Variants in STXBP5L observed in about 807,000 individuals in gnomAD.
The protein encoded by STXBP5L is syntaxin-binding protein 5-like.
Under a neutral mutation model 144.5 loss-of-function variants are expected in STXBP5L, and 65 were observed. The observed-to-expected ratio is 0.45, with a 90% CI of 0.37 to 0.55. The LOEUF (loss-of-function observed/expected upper bound fraction) is 0.55, where lower values mean the gene tolerates loss of function less well. STXBP5L is among the 20% of genes least tolerant of loss of function. STXBP5L has a pLI of 0.00. For missense variants in STXBP5L, 1,298 were observed against 1,405.5 expected, an observed-to-expected ratio of 0.92 and a Z score of 1.22; for synonymous variants, 505 against 469.6, an observed-to-expected ratio of 1.08 and a Z score of -0.97.
At chr3:121,231,049 G>C (rs2049291600) in intron 11 of STXBP5L, among the ~76,000 whole-genome samples, 1 of 152,162 alleles carries the variant, frequency 6.6e-6, no homozygotes. Flanking sequence ...ACTGGTATCT[G>C]GTGGGCTGAT....
chr3:121,351,196 A>C (rs934758639), intron 20 of STXBP5L, among the ~76,000 whole-genome samples: 2 of 152,174 alleles, frequency 1.3e-5, no homozygotes, highest in East Asian at 3.8e-4. Context: ...CCTCAGCTGC[A>C]GGTCTGTTGG....
intron 5 of STXBP5L, among the ~76,000 whole-genome samples, chr3:121,069,318 A>G (rs2041698161): frequency 6.6e-6 from 1 of 152,236 alleles, no homozygotes; most frequent in African/African-American, 2.4e-5. Context: ...CAAGTTGTGT[A>G]CATCAAGAGC....
At chr3:120,932,427 G>T (rs185260719) in intron 2 of STXBP5L, among the ~76,000 whole-genome samples, 19 of 152,282 alleles carry the variant, frequency 1.2e-4, no homozygotes, top group South Asian at 4.1e-4. Context: ...ATAAATAGAA[G>T]ATTTGAAGTA....
intron 9 of STXBP5L, among the ~76,000 whole-genome samples, chr3:121,170,554 C>T (rs546960704): frequency 6.6e-6 from 1 of 152,264 alleles, no homozygotes; most frequent in African/African-American, 2.4e-5. Flanking sequence ...GCAGAGAATA[C>T]TATAAACACT....
chr3:120,956,380 A>G (rs1444767694), intron 3 of STXBP5L, among the ~76,000 whole-genome samples: 1 of 151,856 alleles, frequency 6.6e-6, no homozygotes, highest in Non-Finnish European at 1.5e-5. Flanking sequence ...TTCTGTTTCT[A>G]TAATTTTTAC....
chr3:121,028,581 A>G, intron 3 of STXBP5L, among the ~76,000 whole-genome samples: 1 of 152,136 alleles, frequency 6.6e-6, no homozygotes, highest in African/African-American at 2.4e-5. Flanking sequence ...GAGATCTTTT[A>G]GAAATATTGC....
chr3:121,085,191 C>A (rs1205339417), intron 5 of STXBP5L, among the ~76,000 whole-genome samples: 1 of 152,136 alleles, frequency 6.6e-6, no homozygotes, highest in Non-Finnish European at 1.5e-5. Context: ...ATGATAGTTT[C>A]TTTTGCTGTG....
intron 3 of STXBP5L, among the ~76,000 whole-genome samples, chr3:121,040,408 G>T (rs1054581052): frequency 1.3e-5 from 2 of 152,012 alleles, no homozygotes. Flanking sequence ...ACTTTTGTTG[G>T]TGGGAACATG....
intron 19 of STXBP5L, among the ~76,000 whole-genome samples, chr3:121,296,170 C>G (rs1188025517): frequency 1.3e-5 from 2 of 152,174 alleles, no homozygotes; most frequent in Non-Finnish European, 2.9e-5. Context: ...AGCCAATTTG[C>G]TTTACTCTAT....
At chr3:121,169,857 C>G (rs2046641592) in intron 9 of STXBP5L, among the ~76,000 whole-genome samples, 1 of 152,190 alleles carries the variant, frequency 6.6e-6, no homozygotes, top group African/African-American at 2.4e-5. Context: ...TAATAGACAT[C>G]TACAGAACTC....
chr3:120,913,334 C>CA (rs1303251575), intron 2 of STXBP5L, among the ~76,000 whole-genome samples: 3 of 151,940 alleles, frequency 2.0e-5, no homozygotes, highest in Non-Finnish European at 4.4e-5. Flanking sequence ...CTTAGAGAAT[C>CA]AAAATCTCTA....
At chr3:121,141,390 T>A (rs2045497900) in intron 7 of STXBP5L, among the ~76,000 whole-genome samples, 1 of 146,394 alleles carries the variant, frequency 6.8e-6, no homozygotes. Context: ...TCAACAAGAG[T>A]GAAACTCTGT....
At chr3:121,179,907 G>C (rs1559830635) in intron 9 of STXBP5L, among the ~76,000 whole-genome samples, 1 of 152,068 alleles carries the variant, frequency 6.6e-6, no homozygotes, top group Non-Finnish European at 1.5e-5. Context: ...AATTTTAAAA[G>C]ATGAACCAAG....
intron 11 of STXBP5L, among the ~76,000 whole-genome samples, chr3:121,223,978 G>A (rs139264867): frequency 7.2e-4 from 109 of 152,040 alleles, no homozygotes; most frequent in African/African-American, 2.6e-3. Flanking sequence ...AGTGAGAAAA[G>A]TGAAAACATA....
intron 15 of STXBP5L, among the ~76,000 whole-genome samples, chr3:121,251,218 T>C (rs915840306): frequency 1.3e-5 from 2 of 152,210 alleles, no homozygotes; most frequent in African/African-American, 4.8e-5. Flanking sequence ...GAGAATTATG[T>C]AACTTACAGA....
chr3:120,942,504 A>T (rs1198990539), intron 2 of STXBP5L, among the ~76,000 whole-genome samples: 2 of 151,578 alleles, frequency 1.3e-5, no homozygotes, highest in Non-Finnish European at 3.0e-5. Context: ...GTTACTGAAT[A>T]AAACCTTTGT....
At chr3:120,948,555 C>T (rs1179038130) in intron 2 of STXBP5L, among the ~76,000 whole-genome samples, 1 of 151,824 alleles carries the variant, frequency 6.6e-6, no homozygotes, top group Non-Finnish European at 1.5e-5. Context: ...TCTCACCCAA[C>T]TCCCACCCTT....
intron 18 of STXBP5L, among the ~76,000 whole-genome samples, chr3:121,265,819 T>A (rs575148859): frequency 6.6e-6 from 1 of 152,194 alleles, no homozygotes. Context: ...AAATACAAGC[T>A]ACCATCAGAG....
chr3:121,208,311 C>T (rs913806571), intron 10 of STXBP5L, among the ~76,000 whole-genome samples: 8 of 129,420 alleles, frequency 6.2e-5, no homozygotes, highest in African/African-American at 9.2e-5. Context: ...GGAAGGGGAA[C>T]ATCACACACC....
Sources: allele counts gnomAD v4.1 joint callset (sites outside exome capture counted in the v4.1 genomes callset), GRCh38; gene constraint gnomAD v4.1.1; transcripts MANE v1.5; gene names NCBI Gene and HGNC (gene_info 2026-07-23, HGNC 2026-07-21).